Variants in GDAP2 observed in about 807,000 individuals in gnomAD.
The protein encoded by GDAP2 is ganglioside induced differentiation associated protein 2.
GDAP2 carries 51 observed loss-of-function variants against 67.0 expected under a neutral mutation model. The ratio of observed to expected loss-of-function variants is 0.76; its 90% CI spans 0.61 to 0.96. GDAP2 has a LOEUF of 0.96. Among genes scored for constraint, GDAP2 ranks in the 40% least tolerant of loss-of-function variants. The pLI is 0.00. For synonymous variants in GDAP2, 203 were observed against 207.3 expected (o/e 0.98, Z 0.18); for missense variants, 547 against 588.3 (o/e 0.93, Z 0.73).
chr1:117,901,731 T>A (rs751162454), intron 6 of GDAP2, among the ~76,000 whole-genome samples: 1 of 152,234 alleles, frequency 6.6e-6, no homozygotes, highest in African/African-American at 2.4e-5. Flanking sequence ...ATCTTAAAGC[T>A]TTCTGGCCTG....
chr1:117,874,365 T>C (rs754954683), intron 13 of GDAP2, among the ~76,000 whole-genome samples: 3 of 152,202 alleles, frequency 2.0e-5, no homozygotes, highest in Non-Finnish European at 4.4e-5. Flanking sequence ...CTCTCTTGCT[T>C]TCTCTTTTGC....
chr1:117,866,016 G>A lies in GDAP2; in HGVS notation c.*4553C>T, dbSNP rs927085094. On this transcript the variant is annotated 3_prime_UTR_variant, in exon 14 of 14. Transcript: ENST00000369443. ...ATGCATGTATATGTATATATGGTTA[G>A]GCCTACCAGGCAATCCTTATCATCT... is the stretch of plus-strand genomic sequence containing the variant. 12 of 152,162 alleles carry A rather than the reference G, an allele frequency of 7.9e-5. No individual in the cohort carries two copies. The highest frequency in any genetic ancestry group is 1.2e-4 in the Non-Finnish European group (8 of 68,032). The allele number at this position is 152,162 out of a possible 1,614,324, so 9.4% of individuals were successfully genotyped here. A position where few individuals can be genotyped will look rare whatever the true frequency, so the allele number is the denominator to read the frequency against.
chr1:117,898,799 C>T (rs1280206054), intron 7 of GDAP2, among the ~76,000 whole-genome samples: 1 of 152,180 alleles, frequency 6.6e-6, no homozygotes, highest in Non-Finnish European at 1.5e-5. Context: ...AAACTATAAC[C>T]TCCATTAGGG....
chr1:117,923,245 T>C (rs1053417579), intron 1 of GDAP2, among the ~76,000 whole-genome samples: 5 of 152,134 alleles, frequency 3.3e-5, no homozygotes. Flanking sequence ...GGTCCTGAGG[T>C]GACATACATC....
At chr1:117,876,639 G>A (rs1469875405) in intron 13 of GDAP2, among the ~76,000 whole-genome samples, 1 of 152,090 alleles carries the variant, frequency 6.6e-6, no homozygotes, top group African/African-American at 2.4e-5. Context: ...ATTACATTAT[G>A]CTTGTATTTA....
intron 8 of GDAP2, among the ~76,000 whole-genome samples, chr1:117,895,404 AC>A (rs1342515770): frequency 5.9e-5 from 9 of 152,162 alleles, no homozygotes; most frequent in African/African-American, 2.2e-4. Context: ...TTAAAAAAAA[AC>A]ACTGCTATCT....
chr1:117,922,914 TATCTACACCTGC>T (rs1650308451), intron 1 of GDAP2, among the ~76,000 whole-genome samples: 1 of 152,028 alleles, frequency 6.6e-6, no homozygotes, highest in African/African-American at 2.4e-5. Flanking sequence ...GTTTCATCCC[TATCTACACCTGC>T]ATAAGGCAGA....
chr1:117,887,856 C>A, intron 8 of GDAP2, 82 bp from the exon 9 acceptor site: 1 of 780,650 alleles, frequency 1.3e-6, no homozygotes, highest in African/African-American at 1.7e-5. Context: ...AATACCCTTC[C>A]CTGACCCTAA....
In GDAP2 at chr1:117,865,803, A is replaced by C. The variant is rs576638417; in HGVS notation, c.*4766T>G. The stretch of plus-strand genomic sequence containing the variant: ...AGATGCTGTTCTTAAAAGTGTAAAA[A>C]ATAACTAATATACAAGAGAGTCACT... On this transcript the variant is annotated 3_prime_UTR_variant, in exon 14 of 14. Coordinates refer to ENST00000369443, the MANE Select transcript of GDAP2 (RefSeq NM_017686.4). 6 of 152,338 alleles carry C rather than the reference A, an allele frequency of 3.9e-5. No homozygotes were observed. The highest frequency in any genetic ancestry group is 1.4e-4 in the African/African-American group (6 of 41,570). The allele number at this position is 152,338 out of a possible 1,614,324, so 9.4% of individuals were successfully genotyped here.
At chr1:117,906,753 T>G (rs1210612526) in intron 5 of GDAP2, among the ~76,000 whole-genome samples, 171 bp from the exon 6 acceptor site, 1 of 152,250 alleles carries the variant, frequency 6.6e-6, no homozygotes, top group African/African-American at 2.4e-5. Context: ...TGTATAAAAA[T>G]TCTGATTTGC....
Position 117,887,751 on chromosome 1 carries a change from G to C in GDAP2, c.977C>G (p.Ala326Gly). 6.4e-7 allele frequency: 1 copy of C among 1,573,122 alleles called. No individual in the cohort carries two copies. Among genetic ancestry groups the C allele is most frequent in the Non-Finnish European group, 8.7e-7 (1 of 1,143,394 alleles). Reference sequence around the variant, plus strand: ...AATATCAGACAGATCCTCAGATCTTGCTTGACATAACCAGCGATTATAACT... The same window carrying C: ...AATATCAGACAGATCCTCAGATCTTCCTTGACATAACCAGCGATTATAACT... ...QRNYNRWLCQARSEDLSDIAS... is the reference protein window; with the variant it reads ...QRNYNRWLCQGRSEDLSDIAS... Residue 326 changes from alanine to glycine, a missense_variant, in exon 9 of 14, where the codon GCA (alanine) becomes GGA (glycine). Transcript: ENST00000369443.
chr1:117,913,741 ACT>A (rs1649944522), intron 3 of GDAP2, among the ~76,000 whole-genome samples: 2 of 152,158 alleles, frequency 1.3e-5, no homozygotes, highest in Non-Finnish European at 2.9e-5. Flanking sequence ...ACCGTTGCCC[ACT>A]GTTATGAACT....
chr1:117,900,736 G>A (rs1327826522), intron 6 of GDAP2, among the ~76,000 whole-genome samples: 2 of 148,752 alleles, frequency 1.3e-5, no homozygotes, highest in Non-Finnish European at 3.0e-5. Flanking sequence ...CTGCACTCCA[G>A]CCTGGTGACA....
At chr1:117,871,510 A>G (rs1390332135) in intron 13 of GDAP2, among the ~76,000 whole-genome samples, 1 of 152,238 alleles carries the variant, frequency 6.6e-6, no homozygotes, top group Admixed American at 6.5e-5. Flanking sequence ...ATGAAGAATA[A>G]GTAGAAGAAA....
chr1:117,899,715 T>A (rs960754497), intron 6 of GDAP2, among the ~76,000 whole-genome samples: 4 of 152,192 alleles, frequency 2.6e-5, no homozygotes, highest in African/African-American at 9.7e-5. Context: ...ATAAAACTCA[T>A]CTTATCTTGT....
chr1:117,884,019 T>C (rs1648759853), intron 10 of GDAP2, among the ~76,000 whole-genome samples: 1 of 152,210 alleles, frequency 6.6e-6, no homozygotes, highest in South Asian at 2.1e-4. Flanking sequence ...CTTTTAATCA[T>C]TTTTGAAGTT....
intron 11 of GDAP2, chr1:117,883,212 G>C: frequency 4.5e-6 from 1 of 224,272 alleles, no homozygotes; most frequent in East Asian, 1.1e-4. Context: ...AATGTATTTT[G>C]ATAAGTATAA....
At chr1:117,896,730 T>C in intron 8 of GDAP2, 103 bp downstream of exon 8, 3 of 656,406 alleles carry the variant, frequency 4.6e-6, no homozygotes, top group Non-Finnish European at 7.2e-6. Context: ...GAAAAATAAA[T>C]TGGAATGCAT....
At chr1:117,897,482 A>C (rs1261789884) in intron 7 of GDAP2, among the ~76,000 whole-genome samples, 2 of 152,226 alleles carry the variant, frequency 1.3e-5, no homozygotes, top group African/African-American at 2.4e-5. Flanking sequence ...TCCTTAAGAA[A>C]TATTTCAGTT....
Sources: allele counts gnomAD v4.1 joint callset (sites outside exome capture counted in the v4.1 genomes callset), GRCh38; gene constraint gnomAD v4.1.1; transcripts MANE v1.5; gene names NCBI Gene and HGNC (gene_info 2026-07-23, HGNC 2026-07-21).